Variants in KCNK9 observed in about 807,000 individuals in gnomAD.
KCNK9 encodes potassium channel subfamily K member 9.
KCNK9 carries 1 observed loss-of-function variant against 10.8 expected under a neutral mutation model. The ratio of observed to expected loss-of-function variants is 0.09; its 90% CI spans 0.03 to 0.44. KCNK9 has a LOEUF of 0.44. KCNK9 is among the 20% of genes least tolerant of loss of function. KCNK9 has a pLI of 0.97. For synonymous variants in KCNK9, 231 were observed against 222.7 expected (o/e 1.04, Z -0.33); for missense variants, 303 against 515.0 (o/e 0.59, Z 3.98).
At chr8:139,664,563 G>A (rs1052284929) in intron 1 of KCNK9, among the ~76,000 whole-genome samples, 11 of 152,040 alleles carry the variant, frequency 7.2e-5, no homozygotes, top group South Asian at 2.1e-4. Context: ...TCCAGAAGAC[G>A]CTTAGCCACC....
At chr8:139,635,768 T>G (rs1815319019) in intron 1 of KCNK9, among the ~76,000 whole-genome samples, 1 of 152,078 alleles carries the variant, frequency 6.6e-6, no homozygotes, top group African/African-American at 2.4e-5. Context: ...ACCCCCCCAC[T>G]CAGGAGGCAG....
intron 1 of KCNK9, among the ~76,000 whole-genome samples, chr8:139,672,758 C>G (rs1816462198): frequency 6.6e-6 from 1 of 152,194 alleles, no homozygotes. Context: ...ACAGGAGCCG[C>G]ATGGGAAGGA....
At chr8:139,615,968 C>T (rs1814577678), downstream of KCNK9, 1 of 152,116 alleles carries the variant, frequency 6.6e-6, no homozygotes, top group South Asian at 2.1e-4. Context: ...AAGGCAGGCG[C>T]CCTCCTCCGA....
At chr8:139,648,331 T>C (rs1432346227) in intron 1 of KCNK9, among the ~76,000 whole-genome samples, 1 of 152,212 alleles carries the variant, frequency 6.6e-6, no homozygotes, top group East Asian at 1.9e-4. Context: ...AGATGTTGTT[T>C]TGGAACTACA....
chr8:139,679,590 C>T (rs1421550310), intron 1 of KCNK9, among the ~76,000 whole-genome samples: 1 of 152,200 alleles, frequency 6.6e-6, no homozygotes, highest in Non-Finnish European at 1.5e-5. Flanking sequence ...GAGCTTAGCA[C>T]GTGCCAGCAT....
chr8:139,606,753 C>T (rs2130077917), intron 2 of KCNK9, among the ~76,000 whole-genome samples: 1 of 152,282 alleles, frequency 6.6e-6, no homozygotes, highest in African/African-American at 2.4e-5. Flanking sequence ...ATATCTCTGT[C>T]CCGTGTCTCT....
At chr8:139,662,086 T>C (rs1374736325) in intron 1 of KCNK9, among the ~76,000 whole-genome samples, 14 of 152,168 alleles carry the variant, frequency 9.2e-5, no homozygotes. Context: ...AGCGCCTGCC[T>C]AGCCTGACTG....
intron 1 of KCNK9, among the ~76,000 whole-genome samples, chr8:139,619,949 C>G (rs749910700): frequency 6.6e-6 from 1 of 152,216 alleles, no homozygotes. Context: ...GAGGAAACAA[C>G]CCTTAAAGAC....
intron 1 of KCNK9, among the ~76,000 whole-genome samples, chr8:139,661,008 C>T (rs1816138645): frequency 6.6e-6 from 1 of 152,224 alleles, no homozygotes; most frequent in Non-Finnish European, 1.5e-5. Context: ...AGTGAAAATG[C>T]CCAACTCAAA....
At chr8:139,650,993 C>T (rs1381311343) in intron 1 of KCNK9, among the ~76,000 whole-genome samples, 1 of 152,156 alleles carries the variant, frequency 6.6e-6, no homozygotes, top group African/African-American at 2.4e-5. Context: ...CCCAGAATAT[C>T]GAGGTGGATG....
intron 1 of KCNK9, among the ~76,000 whole-genome samples, chr8:139,694,359 C>T (rs2129803297): frequency 6.6e-6 from 1 of 152,318 alleles, no homozygotes; most frequent in South Asian, 2.1e-4. Context: ...TCCTCCCATC[C>T]TTACAAGGAC....
downstream of KCNK9, among the ~76,000 whole-genome samples, chr8:139,608,632 G>A (rs1239589148): frequency 1.3e-5 from 2 of 151,908 alleles, no homozygotes; most frequent in African/African-American, 2.4e-5. Flanking sequence ...GGGGGGGCGG[G>A]GCGGGGTGGG....
chr8:139,617,083 TTACCC>T (rs1304948701), downstream of KCNK9: 1 of 152,206 alleles, frequency 6.6e-6, no homozygotes, highest in African/African-American at 2.4e-5. Context: ...AATGTGAACT[TTACCC>T]TATTTACAAA....
intron 1 of KCNK9, among the ~76,000 whole-genome samples, chr8:139,679,495 C>G (rs933111322): frequency 1.3e-5 from 2 of 152,224 alleles, no homozygotes; most frequent in Admixed American, 1.3e-4. Context: ...CACAGTCTAG[C>G]GATCATTCAG....
chr8:139,697,249 G>A (rs1008066002), intron 1 of KCNK9, among the ~76,000 whole-genome samples: 21 of 151,296 alleles, frequency 1.4e-4, no homozygotes, highest in Non-Finnish European at 2.8e-4. Context: ...GTGGGTAGAT[G>A]GGTGAATGGT....
chr8:139,695,307 C>T (rs920053655), intron 1 of KCNK9, among the ~76,000 whole-genome samples: 1 of 152,020 alleles, frequency 6.6e-6, no homozygotes, highest in Non-Finnish European at 1.5e-5. Flanking sequence ...ATGGTCAGCT[C>T]TCCCTGAATG....
At chr8:139,616,739 T>C (rs1433353725), downstream of KCNK9, 4 of 152,182 alleles carry the variant, frequency 2.6e-5, no homozygotes, top group East Asian at 5.8e-4. Context: ...GCCATGAACT[T>C]CATTTACAAA....
downstream of KCNK9, among the ~76,000 whole-genome samples, chr8:139,614,078 G>T (rs1172454180): frequency 6.6e-6 from 1 of 152,116 alleles, no homozygotes; most frequent in African/African-American, 2.4e-5. Context: ...TCCCTCTCCT[G>T]GCCAATGTGC....
At chr8:139,653,167 C>T (rs1300341594) in intron 1 of KCNK9, among the ~76,000 whole-genome samples, 1 of 152,196 alleles carries the variant, frequency 6.6e-6, no homozygotes, top group Non-Finnish European at 1.5e-5. Flanking sequence ...ACGGATGCCA[C>T]CAGCCCTGTC....
Sources: gnomAD v4.1 joint callset for allele counts (sites outside exome capture counted in the v4.1 genomes callset) on GRCh38, gnomAD v4.1.1 for gene constraint, MANE v1.5 for transcripts, NCBI Gene and HGNC (gene_info 2026-07-23, HGNC 2026-07-21) for gene names.